Variants in GALNT17 observed in about 807,000 individuals in gnomAD.
GALNT17 encodes the protein UDP-GalNAc:polypeptide N-acetylgalactosaminyltransferase-like 3.
A neutral mutation model predicts 63.7 loss-of-function variants in GALNT17; 29 were observed. The observed-to-expected ratio is 0.46, with a 90% CI of 0.34 to 0.62. The LOEUF (loss-of-function observed/expected upper bound fraction) is 0.62, where lower values mean the gene tolerates loss of function less well. Ranked by LOEUF, GALNT17 falls within the 20% of genes least tolerant of loss-of-function variation. The pLI is 0.01. For synonymous variants in GALNT17, 305 were observed against 318.3 expected (o/e 0.96, Z 0.45); for missense variants, 603 against 799.6 (o/e 0.75, Z 2.97).
chr7:71,527,068 C>T (rs1788636581), intron 5 of GALNT17, among the ~76,000 whole-genome samples: 3 of 152,274 alleles, frequency 2.0e-5, no homozygotes, highest in Middle Eastern at 3.4e-3. Flanking sequence ...ATCTTGTCCT[C>T]TCTTTTTGTG....
At chr7:71,450,904 T>A (rs547779867) in intron 5 of GALNT17, among the ~76,000 whole-genome samples, 3 of 146,254 alleles carry the variant, frequency 2.1e-5, no homozygotes, top group African/African-American at 7.6e-5. Flanking sequence ...CTACTTCAGA[T>A]TGCATGGCGT....
chr7:71,312,484 C>G (rs1791428664), intron 1 of GALNT17, among the ~76,000 whole-genome samples: 1 of 152,210 alleles, frequency 6.6e-6, no homozygotes, highest in Non-Finnish European at 1.5e-5. Flanking sequence ...TTAGTGTATT[C>G]TGAGTACCAT....
At chr7:71,459,185 G>T (rs4394286) in intron 5 of GALNT17, among the ~76,000 whole-genome samples, 8,447 of 152,134 alleles carry the variant, frequency 0.056, 804 homozygotes, top group African/African-American at 0.19. Context: ...TACAGAAGAA[G>T]AATAGGTTCA....
chr7:71,358,781 CT>C (rs374675039), intron 2 of GALNT17, among the ~76,000 whole-genome samples: 1 of 149,730 alleles, frequency 6.7e-6, no homozygotes, highest in African/African-American at 2.4e-5. Flanking sequence ...TTTTCTTTTT[CT>C]TTTTTTTTGA....
At chr7:71,511,878 C>CG (rs1788361849) in intron 5 of GALNT17, among the ~76,000 whole-genome samples, 1 of 152,148 alleles carries the variant, frequency 6.6e-6, no homozygotes, top group South Asian at 2.1e-4. Flanking sequence ...CTAGACATTT[C>CG]TGGTAGTCAC....
intron 5 of GALNT17, among the ~76,000 whole-genome samples, chr7:71,529,733 C>T (rs1035000765): frequency 3.3e-5 from 5 of 152,096 alleles, no homozygotes; most frequent in Non-Finnish European, 5.9e-5. Flanking sequence ...GCATGCATGC[C>T]GCATGCCACA....
chr7:71,704,488 C>CTTTT (rs34146294), intron 9 of GALNT17, among the ~76,000 whole-genome samples: 23 of 141,408 alleles, frequency 1.6e-4, no homozygotes, highest in African/African-American at 5.7e-4. Context: ...TGCCAACTGC[C>CTTTT]TTTTTTTTTT....
intron 1 of GALNT17, among the ~76,000 whole-genome samples, chr7:71,308,375 G>C (rs1021887302): frequency 6.6e-6 from 1 of 152,134 alleles, no homozygotes; most frequent in Non-Finnish European, 1.5e-5. Context: ...CCTTGGCATT[G>C]CCTTTTATAG....
At position 71,557,795 on chromosome 7, in the gene GALNT17, G is replaced by A. The variant is rs781073556; in HGVS notation, c.963-13490G>A. On this transcript the variant is annotated intron_variant, in intron 5 of 10. Transcript: ENST00000333538. ...GACAGAATGAAACTCTTAAATACCC[G>A]GGCGCAGTGGCTCACATCTGTAATC... Among the ~76,000 whole-genome samples, 25 of 148,840 alleles carry A rather than the reference G, an allele frequency of 1.7e-4. 1 individual carries two copies. Among genetic ancestry groups the A allele is most frequent in the African/African-American group, 3.0e-4 (12 of 40,288 alleles).
At chr7:71,684,005 T>C (rs1265037765) in intron 9 of GALNT17, among the ~76,000 whole-genome samples, 3 of 54,372 alleles carry the variant, frequency 5.5e-5, no homozygotes, top group South Asian at 7.8e-4. Context: ...CAACACTCTG[T>C]CTCAAAAAAA....
intron 2 of GALNT17, among the ~76,000 whole-genome samples, chr7:71,383,242 G>A (rs1343922108): frequency 1.3e-5 from 2 of 152,076 alleles, no homozygotes; most frequent in African/African-American, 2.4e-5. Flanking sequence ...GGTATCTGAA[G>A]GGGATTGGCT....
chr7:71,194,436 A>G (rs1305946103), intron 1 of GALNT17, among the ~76,000 whole-genome samples: 1 of 152,238 alleles, frequency 6.6e-6, no homozygotes. Context: ...GAGTTAGAGC[A>G]TCATGGTCAA....
At chr7:71,604,135 A>G (rs1790010722) in intron 6 of GALNT17, among the ~76,000 whole-genome samples, 1 of 152,134 alleles carries the variant, frequency 6.6e-6, no homozygotes, top group Non-Finnish European at 1.5e-5. Context: ...TATACCAGGT[A>G]CTATGCTAAG....
intron 6 of GALNT17, among the ~76,000 whole-genome samples, chr7:71,628,871 G>A (rs1020949606): frequency 1.3e-5 from 2 of 152,122 alleles, no homozygotes; most frequent in Admixed American, 6.5e-5. Context: ...GGCAGAGGTT[G>A]CAGTGAGCCC....
chr7:71,379,349 T>C (rs1470091132), intron 2 of GALNT17, among the ~76,000 whole-genome samples: 2 of 151,898 alleles, frequency 1.3e-5, no homozygotes, highest in East Asian at 3.9e-4. Flanking sequence ...GCAGAGGAAT[T>C]TAAACCTAAT....
chr7:71,179,123 A>C (rs2116308690), intron 1 of GALNT17, among the ~76,000 whole-genome samples: 1 of 152,308 alleles, frequency 6.6e-6, no homozygotes, highest in Middle Eastern at 3.4e-3. Flanking sequence ...GGAAAGGGAA[A>C]CGTCAAGCTG....
At chr7:71,178,855 C>A (rs1382970792) in intron 1 of GALNT17, among the ~76,000 whole-genome samples, 1 of 152,010 alleles carries the variant, frequency 6.6e-6, no homozygotes. Flanking sequence ...CTGGATCATC[C>A]TTGGGTTGAT....
chr7:71,295,802 C>G (rs185640699), intron 1 of GALNT17, among the ~76,000 whole-genome samples: 34 of 152,112 alleles, frequency 2.2e-4, no homozygotes, highest in Admixed American at 8.5e-4. Context: ...ATTATGTTGC[C>G]CAGGCTGGTG....
intron 5 of GALNT17, among the ~76,000 whole-genome samples, chr7:71,491,381 C>A (rs116016547): frequency 9.7e-4 from 148 of 152,170 alleles, no homozygotes; most frequent in African/African-American, 3.3e-3. Flanking sequence ...GCAGGCACGA[C>A]GCCTTCTCTC....
Sources: gnomAD v4.1 joint callset for allele counts (sites outside exome capture counted in the v4.1 genomes callset) on GRCh38, gnomAD v4.1.1 for gene constraint, MANE v1.5 for transcripts, NCBI Gene and HGNC (gene_info 2026-07-23, HGNC 2026-07-21) for gene names.